Variants in AK8 observed in about 807,000 individuals in gnomAD.
The protein encoded by AK8 is ATP-AMP transphosphorylase 8.
Under a neutral mutation model 54.6 loss-of-function variants are expected in AK8, and 44 were observed. That is an observed-to-expected ratio of 0.81 (90% CI 0.63 to 1.04). The LOEUF (loss-of-function observed/expected upper bound fraction) is 1.04, where lower values mean the gene tolerates loss of function less well. Ranked by LOEUF, AK8 falls within the 50% of genes least tolerant of loss-of-function variation. The probability of loss-of-function intolerance (pLI) is 0.00; values close to 1 mark genes in which losing one functional copy is unlikely to be tolerated. For synonymous variants in AK8, 239 were observed against 245.6 expected, an observed-to-expected ratio of 0.97 and a Z score of 0.25; for missense variants, 555 against 613.6, an observed-to-expected ratio of 0.90 and a Z score of 1.01.
intron 9 of AK8, among the ~76,000 whole-genome samples, chr9:132,821,788 CAAAT>C (rs1349827605): frequency 3.3e-5 from 4 of 119,994 alleles, no homozygotes; most frequent in African/African-American, 9.1e-5. Context: ...TATGTATATA[CAAAT>C]ATATACATAT....
chr9:132,871,904 G>C lies in AK8; in HGVS notation c.169+3211C>G, dbSNP rs116469698. On this transcript the variant is annotated intron_variant, in intron 2 of 12. Coordinates refer to ENST00000298545, the MANE Select transcript of AK8 (RefSeq NM_152572.3). Reference sequence around the variant, plus strand: ...AAAATTCTGATGAAGTGGATAGTTTGACATTGAAAATTAAAGCTGCACACA... The same window carrying C: ...AAAATTCTGATGAAGTGGATAGTTTCACATTGAAAATTAAAGCTGCACACA... Among the ~76,000 whole-genome samples the C allele has an allele frequency of 2.0e-3, 310 of 152,376 alleles. 3 individuals are homozygous for C. Among genetic ancestry groups the C allele is most frequent in the African/African-American group, 6.7e-3 (279 of 41,594 alleles).
chr9:132,755,040 C>A (rs1838122404), intron 11 of AK8, among the ~76,000 whole-genome samples: 1 of 152,158 alleles, frequency 6.6e-6, no homozygotes. Flanking sequence ...CTCAGGTAAT[C>A]TGCCCGCCTC....
intron 11 of AK8, among the ~76,000 whole-genome samples, chr9:132,777,767 G>A (rs148063503): frequency 0.011 from 1,720 of 152,266 alleles, 21 homozygotes; most frequent in Middle Eastern, 0.027. Flanking sequence ...GAAGCTCTGC[G>A]AGCAAGGAAG....
At chr9:132,820,717 G>C (rs1314613337) in intron 9 of AK8, among the ~76,000 whole-genome samples, 1 of 152,174 alleles carries the variant, frequency 6.6e-6, no homozygotes, top group African/African-American at 2.4e-5. Context: ...TTGTGGGAGT[G>C]AGTGTGGGGG....
intron 11 of AK8, among the ~76,000 whole-genome samples, chr9:132,735,067 G>T (rs993026235): frequency 3.9e-5 from 6 of 152,134 alleles, no homozygotes; most frequent in African/African-American, 1.4e-4. Context: ...TTGGGTGGCT[G>T]CAATGTGCAG....
At chr9:132,835,339 G>A (rs1842281373) in intron 5 of AK8, among the ~76,000 whole-genome samples, 1 of 152,168 alleles carries the variant, frequency 6.6e-6, no homozygotes, top group South Asian at 2.1e-4. Flanking sequence ...CCCCAAGATA[G>A]CCCCCTGCAG....
At position 132,753,136 on chromosome 9, in the gene AK8, G is replaced by A. The variant is rs539293968; in HGVS notation, c.1122-25602C>T. Reference sequence around the variant, plus strand: ...TCATTCTACACTGGGGAATCACGCCGCATTCCCAGGAGGAAGGAGCCAGGC... The same window carrying A: ...TCATTCTACACTGGGGAATCACGCCACATTCCCAGGAGGAAGGAGCCAGGC... On this transcript the variant is annotated intron_variant, in intron 11 of 12. Transcript: ENST00000298545. Among the ~76,000 whole-genome samples, 40 of 152,302 alleles carry A rather than the reference G, an allele frequency of 2.6e-4. 1 individual carries two copies. The highest frequency in any genetic ancestry group is 8.3e-4 in the South Asian group (4 of 4,828).
At chr9:132,757,363 G>C (rs72773436) in intron 11 of AK8, among the ~76,000 whole-genome samples, 2 of 152,182 alleles carry the variant, frequency 1.3e-5, no homozygotes, top group Non-Finnish European at 2.9e-5. Context: ...GCCATCTCAC[G>C]GCAGGTGAAG....
At chr9:132,745,409 C>T (rs1376547276) in intron 11 of AK8, among the ~76,000 whole-genome samples, 2 of 152,128 alleles carry the variant, frequency 1.3e-5, no homozygotes, top group East Asian at 1.9e-4. Flanking sequence ...TTCTCAAATA[C>T]TTCAATTGTG....
chr9:132,792,024 C>A (rs557386231), intron 11 of AK8, among the ~76,000 whole-genome samples: 1 of 152,360 alleles, frequency 6.6e-6, no homozygotes, highest in South Asian at 2.1e-4. Context: ...GTCACCTCCG[C>A]TGCCTGCCTG....
intron 5 of AK8, among the ~76,000 whole-genome samples, chr9:132,833,625 A>T (rs1842197116): frequency 6.6e-6 from 1 of 152,192 alleles, no homozygotes; most frequent in Non-Finnish European, 1.5e-5. Flanking sequence ...CCGTATGCTC[A>T]GGGCACTCCA....
At chr9:132,760,359 T>A (rs186768274) in intron 11 of AK8, among the ~76,000 whole-genome samples, 3 of 152,276 alleles carry the variant, frequency 2.0e-5, no homozygotes, top group Admixed American at 2.0e-4. Context: ...TGTTGTTGAT[T>A]ATTATCTTAG....
chr9:132,807,106 C>T (rs921689621), intron 10 of AK8, among the ~76,000 whole-genome samples: 5 of 150,382 alleles, frequency 3.3e-5, no homozygotes, highest in African/African-American at 1.2e-4. Context: ...TCCCTCCTGA[C>T]AATAAGAAAG....
Position 132,826,986 on chromosome 9 carries a change from C to G in AK8, c.625G>C (p.Asp209His). The G allele has an allele frequency of 6.2e-7, 1 of 1,614,250 alleles. No individual in the cohort carries two copies. The highest frequency in any genetic ancestry group is 2.2e-5 in the East Asian group (1 of 44,890). ...TGAGCCGTCTCCAGCTCTGAGATGT[C>G]CTCTGGCACCATGAGACGGTTCTGG... ...EIQNRLMVPE[D>H]ISELETAQKL... is the part of the protein sequence containing the mutation. The change falls in exon 8 of 13, where the codon GAC (aspartate) becomes CAC (histidine). Residue 209 changes from aspartate to histidine, a missense_variant. By Grantham distance (81) the Asp-to-His change is moderately conservative. Transcript: ENST00000298545. This position sits in a 1 kb window ranked among gnomAD's most constrained non-coding sequence, Gnocchi z 4.5.
At chr9:132,726,719 A>G (rs1380425181) in intron 12 of AK8, among the ~76,000 whole-genome samples, 1 of 152,150 alleles carries the variant, frequency 6.6e-6, no homozygotes, top group African/African-American at 2.4e-5. Flanking sequence ...CATTACAGCA[A>G]CTGTGGAGAT....
intron 11 of AK8, among the ~76,000 whole-genome samples, chr9:132,765,275 A>G (rs532167464): frequency 3.7e-4 from 49 of 133,948 alleles, no homozygotes; most frequent in Non-Finnish European, 5.4e-4. Context: ...CCTGGGCAAC[A>G]GAGCGAGACT....
Position 132,791,239 on chromosome 9 carries a change from A to G in AK8, c.1121+1395T>C, listed in dbSNP as rs1839934975. ...GGCAGCAGGAGAGAGACAGAGAGAG[A>G]GCAAAGGGGGAGGTGCCACACTTTA... is the stretch of plus-strand genomic sequence containing the variant. On this transcript the variant is annotated intron_variant, in intron 11 of 12. Coordinates refer to ENST00000298545, the MANE Select transcript of AK8 (RefSeq NM_152572.3). This position sits in a 1 kb window ranked among gnomAD's most constrained non-coding sequence, Gnocchi z 4.0. 6.6e-6 allele frequency among the ~76,000 whole-genome samples: 1 copy of G among 152,164 alleles called. No individual in the cohort carries two copies. Among genetic ancestry groups the G allele is most frequent in the Admixed American group, 6.5e-5 (1 of 15,268 alleles).
intron 11 of AK8, among the ~76,000 whole-genome samples, chr9:132,765,824 G>C (rs936114029): frequency 2.0e-5 from 3 of 152,168 alleles, no homozygotes; most frequent in Admixed American, 1.3e-4. Flanking sequence ...ATACATTACT[G>C]TAAGTCCTTG....
chr9:132,814,648 C>G lies in AK8; in HGVS notation c.969G>C (p.Lys323Asn). 6.2e-7 allele frequency: 1 copy of G among 1,614,014 alleles called. No individual in the cohort carries two copies. Among genetic ancestry groups the G allele is most frequent in the Non-Finnish European group, 8.5e-7 (1 of 1,179,984 alleles). Reference protein sequence around the residue: ...FGELIQPFFEKEMAVPDSLLM... With the variant: ...FGELIQPFFENEMAVPDSLLM... The stretch of plus-strand genomic sequence containing the variant: ...GGGAACGTGGCCTACCTGCCATCTC[C>G]TTTTCAAAGAAGGGCTGGATGAGCT... Residue 323 changes from lysine to asparagine, a missense_variant, in exon 10 of 13, where the codon AAG becomes AAC. Lys to Asn is a moderately conservative substitution (Grantham distance 94, BLOSUM62 0). Transcript: ENST00000298545.
Sources: gnomAD v4.1 joint callset for allele counts (sites outside exome capture counted in the v4.1 genomes callset) on GRCh38, gnomAD v4.1.1 for gene constraint, Gnocchi (gnomAD v3.1) non-coding constraint, MANE v1.5 for transcripts, NCBI Gene and HGNC (gene_info 2026-07-23, HGNC 2026-07-21) for gene names.